ARHGAP26: variants seen among roughly 807,000 people sequenced by gnomAD.
ARHGAP26 encodes Rho GTPase activating protein 26, also known as rho GTPase-activating protein 26.
A neutral mutation model predicts 104.8 loss-of-function variants in ARHGAP26; 38 were observed. That is an observed-to-expected ratio of 0.36 (90% CI 0.28 to 0.48). The LOEUF is 0.48. Ranked by LOEUF, ARHGAP26 falls within the 20% of genes least tolerant of loss-of-function variation. The pLI is 0.99. For synonymous variants in ARHGAP26, 341 were observed against 340.0 expected, an observed-to-expected ratio of 1.00 and a Z score of -0.03; for missense variants, 704 against 947.9, an observed-to-expected ratio of 0.74 and a Z score of 3.38.
Position 143,227,344 on chromosome 5 carries a change from G to A in ARHGAP26, c.*4898G>A, listed in dbSNP as rs1330757745. The A allele has an allele frequency of 4.3e-6, 1 of 231,130 alleles. No homozygotes were observed. The highest frequency in any genetic ancestry group is 6.1e-5 in the East Asian group (1 of 16,300). 14.3% of individuals were successfully genotyped at this position (231,130 alleles called of 1,614,324 possible). On this transcript the variant is annotated 3_prime_UTR_variant, in exon 23 of 23. Transcript: ENST00000645722. ...GTTATCTATCATCTCTGGCAAACTT[G>A]ACAATCATCACTTACCTCGACAACC...
chr5:142,855,304 G>A (rs578062349), intron 1 of ARHGAP26, among the ~76,000 whole-genome samples: 21 of 152,242 alleles, frequency 1.4e-4, no homozygotes, highest in South Asian at 6.2e-4. Context: ...AGAGGAGGTC[G>A]AATACCAGAT....
intron 1 of ARHGAP26, among the ~76,000 whole-genome samples, chr5:142,835,937 A>G (rs1303985681): frequency 1.3e-5 from 2 of 152,226 alleles, no homozygotes; most frequent in African/African-American, 4.8e-5. Flanking sequence ...CCCATTTTAT[A>G]TATTAGGAAA....
chr5:142,957,874 C>T (rs543734761), intron 11 of ARHGAP26, among the ~76,000 whole-genome samples: 6 of 152,358 alleles, frequency 3.9e-5, no homozygotes, highest in African/African-American at 7.2e-5. Flanking sequence ...TCACGCATTG[C>T]GTTTTGCACA....
chr5:143,162,008 G>A (rs1801292679), intron 20 of ARHGAP26, among the ~76,000 whole-genome samples: 1 of 152,158 alleles, frequency 6.6e-6, no homozygotes, highest in South Asian at 2.1e-4. Flanking sequence ...CATCATATCA[G>A]ACGTCACAGA....
At chr5:143,142,200 A>G (rs558199323) in intron 19 of ARHGAP26, among the ~76,000 whole-genome samples, 33 of 129,660 alleles carry the variant, frequency 2.5e-4, no homozygotes, top group African/African-American at 6.8e-4. Flanking sequence ...GTGCAGTGGC[A>G]CGATCTTGGC....
intron 1 of ARHGAP26, among the ~76,000 whole-genome samples, chr5:142,785,266 C>G (rs989649071): frequency 2.0e-4 from 30 of 152,206 alleles, no homozygotes; most frequent in Non-Finnish European, 3.5e-4. Flanking sequence ...GTCTCTTGAT[C>G]TTGTGAAGCC....
chr5:142,996,904 AG>A (rs1776483993), intron 11 of ARHGAP26, among the ~76,000 whole-genome samples: 1 of 152,168 alleles, frequency 6.6e-6, no homozygotes, highest in Non-Finnish European at 1.5e-5. Context: ...GGAGGAGCTT[AG>A]GGAATTTTTA....
chr5:142,999,898 G>T (rs557865510), intron 11 of ARHGAP26, among the ~76,000 whole-genome samples: 10 of 152,258 alleles, frequency 6.6e-5, no homozygotes, highest in Non-Finnish European at 1.3e-4. Flanking sequence ...TATCCAGAAT[G>T]TATAGAGAAC....
At chr5:143,165,621 A>G (rs1291812277) in intron 20 of ARHGAP26, among the ~76,000 whole-genome samples, 1 of 152,162 alleles carries the variant, frequency 6.6e-6, no homozygotes, top group East Asian at 1.9e-4. Flanking sequence ...ACGTGGGTAT[A>G]TTGTGTGATG....
intron 6 of ARHGAP26, among the ~76,000 whole-genome samples, chr5:142,900,438 C>T (rs557924834): frequency 5.9e-5 from 9 of 152,010 alleles, no homozygotes; most frequent in East Asian, 1.9e-4. Flanking sequence ...ATAGATGGGC[C>T]GGGGACAGTG....
chr5:143,153,517 C>T (rs1046310190), intron 20 of ARHGAP26, among the ~76,000 whole-genome samples: 2 of 152,194 alleles, frequency 1.3e-5, no homozygotes, highest in Admixed American at 6.5e-5. Context: ...AGGAAGTAAA[C>T]AAATGCTGAG....
chr5:142,864,611 TA>T (rs1753932675), intron 1 of ARHGAP26, among the ~76,000 whole-genome samples: 1 of 152,204 alleles, frequency 6.6e-6, no homozygotes, highest in African/African-American at 2.4e-5. Context: ...GCTTAATTGT[TA>T]TGGTAATTAA....
At chr5:143,000,548 A>T (rs1252078205) in intron 11 of ARHGAP26, among the ~76,000 whole-genome samples, 1 of 152,256 alleles carries the variant, frequency 6.6e-6, no homozygotes, top group Admixed American at 6.5e-5. Flanking sequence ...TATAAATCAT[A>T]TAAATCATTC....
chr5:142,939,050 A>T (rs1460723469), intron 11 of ARHGAP26, among the ~76,000 whole-genome samples: 1 of 152,182 alleles, frequency 6.6e-6, no homozygotes, highest in Non-Finnish European at 1.5e-5. Context: ...ATAGCCAGAT[A>T]TTGGCAATTT....
intron 12 of ARHGAP26, among the ~76,000 whole-genome samples, chr5:143,020,232 G>A (rs896806850): frequency 3.3e-5 from 5 of 152,150 alleles, no homozygotes; most frequent in Non-Finnish European, 7.4e-5. Context: ...ATAGGCATGA[G>A]CCACCACGCC....
rs3776282 is a variant in ARHGAP26 at position 143,137,412 on chromosome 5, C to T, written c.1837+3307C>T. 6.6e-4 allele frequency among the ~76,000 whole-genome samples: 101 copies of T among 152,310 alleles called. 3 individuals carry two copies. The East Asian group carries it at 0.014, about 21-fold the overall frequency. On this transcript the variant is annotated intron_variant, in intron 19 of 22. Coordinates refer to ENST00000645722, the MANE Select transcript of ARHGAP26 (RefSeq NM_001135608.3). ...CGTTCATGTCAGTTTCCTGCTGTGCCCTTTCAGTTCATAGTGACACCTGTC... is the reference window on the plus strand; with the variant it reads ...CGTTCATGTCAGTTTCCTGCTGTGCTCTTTCAGTTCATAGTGACACCTGTC...
At chr5:143,113,618 A>G (rs922637567) in intron 17 of ARHGAP26, among the ~76,000 whole-genome samples, 22 of 152,156 alleles carry the variant, frequency 1.4e-4, no homozygotes, top group African/African-American at 5.3e-4. Flanking sequence ...CATCATATTT[A>G]AGGGTAGTTC....
At chr5:143,043,545 C>T (rs897720670) in intron 14 of ARHGAP26, among the ~76,000 whole-genome samples, 2 of 152,094 alleles carry the variant, frequency 1.3e-5, no homozygotes, top group Non-Finnish European at 2.9e-5. Context: ...ATTTGTTCCT[C>T]TGGGATAAAT....
intron 1 of ARHGAP26, among the ~76,000 whole-genome samples, chr5:142,818,249 C>T (rs1175160535): frequency 6.6e-6 from 1 of 152,130 alleles, no homozygotes; most frequent in African/African-American, 2.4e-5. Context: ...CTGGTTTAAC[C>T]CTCTGTGATC....
Sources: allele counts gnomAD v4.1 joint callset (sites outside exome capture counted in the v4.1 genomes callset), GRCh38; gene constraint gnomAD v4.1.1; transcripts MANE v1.5; gene names NCBI Gene and HGNC (gene_info 2026-07-23, HGNC 2026-07-21).